Variants in SLC38A12 observed in about 807,000 individuals in gnomAD.
SLC38A12 encodes putative sodium-coupled neutral amino acid transporter 12.
the SLC38A12 span, chr17:74,788,952 C>T: frequency 7.8e-7 from 1 of 1,274,156 alleles, no homozygotes; most frequent in African/African-American, 1.5e-5. Flanking sequence ...CCATTCTTTT[C>T]CTCTCAGTGC....
the SLC38A12 span, among the ~76,000 whole-genome samples, chr17:74,816,123 G>A: frequency 6.6e-6 from 1 of 152,192 alleles, no homozygotes; most frequent in South Asian, 2.1e-4. Flanking sequence ...CTCATTTCTG[G>A]TGGCATCTAG....
At chr17:74,777,303 T>C in the SLC38A12 span, 1 of 1,614,208 alleles carries the variant, frequency 6.2e-7, no homozygotes, top group East Asian at 2.2e-5. Flanking sequence ...AAGGAACCTC[T>C]GCTGCCAGCC....
chr17:74,821,910 C>T, the SLC38A12 span, among the ~76,000 whole-genome samples: 4 of 152,152 alleles, frequency 2.6e-5, no homozygotes, highest in African/African-American at 9.7e-5. Flanking sequence ...AGCTGATTCC[C>T]GTCCCTTCCC....
chr17:74,786,632 G>C, the SLC38A12 span, among the ~76,000 whole-genome samples: 25 of 152,364 alleles, frequency 1.6e-4, no homozygotes, highest in African/African-American at 4.8e-4. Flanking sequence ...GGATCTGAAG[G>C]GGGAGGGAGT....
chr17:74,814,669 C>T, the SLC38A12 span, among the ~76,000 whole-genome samples: 1 of 152,248 alleles, frequency 6.6e-6, no homozygotes, highest in Non-Finnish European at 1.5e-5. Context: ...GCATGGAAAA[C>T]GTGTACAAGG....
the SLC38A12 span, among the ~76,000 whole-genome samples, chr17:74,825,685 T>G: frequency 6.6e-6 from 1 of 151,962 alleles, no homozygotes; most frequent in African/African-American, 2.4e-5. Flanking sequence ...GCCCAGGAGG[T>G]CGGTGGCCCA....
the SLC38A12 span, among the ~76,000 whole-genome samples, chr17:74,782,723 G>A: frequency 2.6e-5 from 4 of 152,150 alleles, no homozygotes; most frequent in Admixed American, 6.5e-5. Flanking sequence ...GCACCACTCT[G>A]AGCCAGGACT....
chr17:74,838,239 C>T, the SLC38A12 span: 3 of 985,694 alleles, frequency 3.0e-6, no homozygotes, highest in African/African-American at 5.2e-5. Context: ...CCACGTGTCA[C>T]TTTCCATCCA....
At chr17:74,831,788 C>T in the SLC38A12 span, among the ~76,000 whole-genome samples, 6 of 152,210 alleles carry the variant, frequency 3.9e-5, no homozygotes, top group East Asian at 7.7e-4. Context: ...TGCTCTGTCC[C>T]GCCTCCACAC....
the SLC38A12 span, among the ~76,000 whole-genome samples, chr17:74,782,801 G>A: frequency 6.6e-6 from 1 of 152,180 alleles, no homozygotes; most frequent in African/African-American, 2.4e-5. Flanking sequence ...ATTCAAACTT[G>A]TTTTCATCAT....
At chr17:74,806,182 G>C in the SLC38A12 span, among the ~76,000 whole-genome samples, 1 of 152,172 alleles carries the variant, frequency 6.6e-6, no homozygotes, top group East Asian at 1.9e-4. Flanking sequence ...CAGCCCACCT[G>C]TTCCTCTCAC....
At chr17:74,786,304 C>T in the SLC38A12 span, among the ~76,000 whole-genome samples, 1 of 151,928 alleles carries the variant, frequency 6.6e-6, no homozygotes, top group Non-Finnish European at 1.5e-5. Flanking sequence ...ATTCTCTCAA[C>T]CGGGTAGGAA....
chr17:74,791,078 C>T, the SLC38A12 span: 13 of 1,566,602 alleles, frequency 8.3e-6, no homozygotes, highest in Non-Finnish European at 1.1e-5. Flanking sequence ...AAACGGGGAG[C>T]TGGTGCTTCC....
At chr17:74,814,129 A>G in the SLC38A12 span, among the ~76,000 whole-genome samples, 1 of 152,312 alleles carries the variant, frequency 6.6e-6, no homozygotes, top group East Asian at 1.9e-4. Flanking sequence ...ATGTCTTCTA[A>G]GACACCACCC....
At chr17:74,825,636 G>A in the SLC38A12 span, among the ~76,000 whole-genome samples, 4 of 152,244 alleles carry the variant, frequency 2.6e-5, no homozygotes, top group African/African-American at 4.8e-5. Context: ...GTACGGCCGA[G>A]ATGGGCAGAT....
At chr17:74,829,872 G>A in the SLC38A12 span, among the ~76,000 whole-genome samples, 2 of 151,978 alleles carry the variant, frequency 1.3e-5, no homozygotes, top group South Asian at 2.1e-4. The surrounding 1 kb of genome is among the most constrained non-coding windows in gnomAD (Gnocchi z 4.1). Context: ...TAAGGAAGGC[G>A]GAGTCCTGCC....
At chr17:74,838,163 T>C in the SLC38A12 span, 1 of 985,576 alleles carries the variant, frequency 1.0e-6, no homozygotes, top group Non-Finnish European at 1.2e-6. Context: ...AGTCCCTGCG[T>C]GGTGTAATTG....
chr17:74,832,698 A>C, the SLC38A12 span, among the ~76,000 whole-genome samples: 2 of 152,240 alleles, frequency 1.3e-5, no homozygotes, highest in African/African-American at 4.8e-5. Context: ...TTTTGACAGC[A>C]GTGCAGGGTG....
At chr17:74,821,225 A>G in the SLC38A12 span, among the ~76,000 whole-genome samples, 1 of 152,204 alleles carries the variant, frequency 6.6e-6, no homozygotes, top group Non-Finnish European at 1.5e-5. Context: ...TGAGAGCAGG[A>G]TGGAGATGAG....
Sources: allele counts gnomAD v4.1 joint callset (sites outside exome capture counted in the v4.1 genomes callset), GRCh38; gene constraint gnomAD v4.1.1; non-coding constraint Gnocchi (gnomAD v3.1); transcripts MANE v1.5; gene names NCBI Gene and HGNC (gene_info 2026-07-23, HGNC 2026-07-21).